Variants in USH2A observed in about 807,000 individuals in gnomAD.
USH2A encodes usherin.
Under a neutral mutation model 538.9 loss-of-function variants are expected in USH2A, and 443 were observed. That is an observed-to-expected ratio of 0.82 (90% CI 0.76 to 0.89). The LOEUF (loss-of-function observed/expected upper bound fraction) is 0.89. Among genes scored for constraint, USH2A ranks in the 40% least tolerant of loss-of-function variants. USH2A has a pLI of 0.00. For synonymous variants in USH2A, 2,413 were observed against 2,273.5 expected, an observed-to-expected ratio of 1.06 and a Z score of -1.75; for missense variants, 6,633 against 6,324.8, an observed-to-expected ratio of 1.05 and a Z score of -1.65.
intron 11 of USH2A, among the ~76,000 whole-genome samples, chr1:216,269,537 T>G (rs547579499): frequency 3.0e-4 from 45 of 152,218 alleles, no homozygotes; most frequent in Non-Finnish European, 4.9e-4. Flanking sequence ...ATAACCCCTA[T>G]GTTAAATTCA....
intron 66 of USH2A, 88 bp from the exon 67 acceptor site, chr1:215,647,818 G>T: frequency 6.7e-7 from 1 of 1,491,616 alleles, no homozygotes; most frequent in Non-Finnish European, 9.2e-7. Flanking sequence ...TTTGTGAGGA[G>T]ACATTTTGTT....
At chr1:216,301,743 G>T (rs1190006745) in intron 9 of USH2A, among the ~76,000 whole-genome samples, 1 of 152,170 alleles carries the variant, frequency 6.6e-6, no homozygotes. Flanking sequence ...TTACAGTACT[G>T]CTCACTGAAT....
chr1:216,041,767 A>C (rs2030286717), intron 32 of USH2A, among the ~76,000 whole-genome samples: 1 of 152,138 alleles, frequency 6.6e-6, no homozygotes, highest in Admixed American at 6.6e-5. Context: ...AATGAAAGGA[A>C]AATATAAAAG....
At chr1:216,021,364 A>G (rs1174401409) in intron 32 of USH2A, among the ~76,000 whole-genome samples, 2 of 152,098 alleles carry the variant, frequency 1.3e-5, no homozygotes, top group Non-Finnish European at 2.9e-5. Flanking sequence ...TGACCATTTT[A>G]TAAGAGGTTT....
intron 61 of USH2A, among the ~76,000 whole-genome samples, chr1:215,687,993 G>C (rs1273340280): frequency 6.6e-6 from 1 of 152,106 alleles, no homozygotes; most frequent in Non-Finnish European, 1.5e-5. Context: ...AAGACATAGA[G>C]AGAGAATTGG....
chr1:216,419,542 C>T (rs1204648154), intron 2 of USH2A, among the ~76,000 whole-genome samples: 1 of 152,084 alleles, frequency 6.6e-6, no homozygotes, highest in African/African-American at 2.4e-5. Flanking sequence ...CACCCTTCTT[C>T]CTGCTCAGGG....
chr1:216,387,706 C>T (rs540593437), intron 3 of USH2A, among the ~76,000 whole-genome samples: 116 of 152,256 alleles, frequency 7.6e-4, no homozygotes, highest in Non-Finnish European at 9.0e-4. Flanking sequence ...GATCCTCAAA[C>T]GTTAAAATCT....
intron 38 of USH2A, among the ~76,000 whole-genome samples, chr1:215,901,846 A>C (rs1665510029): frequency 6.6e-6 from 1 of 152,202 alleles, no homozygotes; most frequent in African/African-American, 2.4e-5. Flanking sequence ...AGCTATTCAG[A>C]AACTTGAAAG....
intron 41 of USH2A, among the ~76,000 whole-genome samples, chr1:215,882,759 A>G (rs1394746882): frequency 6.6e-6 from 1 of 152,176 alleles, no homozygotes; most frequent in African/African-American, 2.4e-5. Flanking sequence ...TTCAGACTTA[A>G]TTGATTATGG....
chr1:216,338,120 T>TA (rs1362152138), intron 4 of USH2A, among the ~76,000 whole-genome samples: 4 of 151,424 alleles, frequency 2.6e-5, no homozygotes, highest in South Asian at 2.1e-4. Flanking sequence ...TCAATTCCAA[T>TA]AAAAAATCTC....
At chr1:216,237,515 GAAAGA>G (rs2035851600) in intron 13 of USH2A, among the ~76,000 whole-genome samples, 1 of 130,408 alleles carries the variant, frequency 7.7e-6, no homozygotes, top group African/African-American at 2.9e-5. Flanking sequence ...AAAAAAAAAA[GAAAGA>G]AAAAGAAAAA....
chr1:215,647,619 A>AC lies in USH2A; in HGVS notation c.14693dup (p.Leu4899SerfsTer55). On this transcript the variant is annotated frameshift_variant, in exon 67 of 72. Transcript: ENST00000307340. LOFTEE classifies it high-confidence loss of function. ...GCTTGTATGTGGTGTAGGGCTGGAG[A>AC]CCCCCAAGGCTGGCTTTCTGCCCCA... The AC allele has an allele frequency of 6.2e-7, 1 of 1,613,258 alleles. No individual in the cohort carries two copies. The highest frequency in any genetic ancestry group is 8.5e-7 in the Non-Finnish European group (1 of 1,179,864).
rs755735339 is a variant in USH2A at position 216,321,947 on chromosome 1, C to T, written c.1580G>A (p.Cys527Tyr). ...RCQCHGHADN[C>Y]DTTSQPYRCL... ...TCTATATGGCTGGCTTGTTGTGTCG[C>T]AGTTATCGGCATGACCATGGCACTG... The change falls in exon 9 of 72, where the codon TGC (cysteine) becomes TAC (tyrosine). Residue 527 changes from cysteine (C) to tyrosine (Y), a missense_variant. Coordinates refer to ENST00000307340, the MANE Select transcript of USH2A (RefSeq NM_206933.4). 1 of 1,613,774 alleles carries T rather than the reference C, an allele frequency of 6.2e-7. No homozygotes were observed. Among genetic ancestry groups the T allele is most frequent in the South Asian group, 1.1e-5 (1 of 91,070 alleles).
intron 64 of USH2A, among the ~76,000 whole-genome samples, chr1:215,657,050 C>T (rs1240781905): frequency 6.6e-6 from 1 of 152,224 alleles, no homozygotes; most frequent in African/African-American, 2.4e-5. Flanking sequence ...CTTTCCAATA[C>T]CTGTATTGGC....
intron 70 of USH2A, among the ~76,000 whole-genome samples, chr1:215,631,247 T>G (rs112875116): frequency 4.0e-5 from 6 of 151,846 alleles, no homozygotes; most frequent in Non-Finnish European, 7.4e-5. Context: ...TGTGTGTGTG[T>G]GGGTGGGTGT....
intron 23 of USH2A, 75 bp from the exon 24 acceptor site, chr1:216,086,895 C>T (rs899532586): frequency 7.0e-6 from 8 of 1,147,290 alleles, no homozygotes; most frequent in Non-Finnish European, 1.0e-5. Context: ...TAATAAAATC[C>T]TTCACCAGCC....
At chr1:216,163,934 T>A (rs1490974750) in intron 21 of USH2A, among the ~76,000 whole-genome samples, 1 of 152,130 alleles carries the variant, frequency 6.6e-6, no homozygotes, top group Non-Finnish European at 1.5e-5. Flanking sequence ...TACTCACTTA[T>A]GTCTTTAACC....
At chr1:215,895,298 TAGAA>T (rs1398412691) in intron 40 of USH2A, among the ~76,000 whole-genome samples, 2 of 152,164 alleles carry the variant, frequency 1.3e-5, no homozygotes, top group African/African-American at 2.4e-5. Context: ...ACACTGGTGA[TAGAA>T]AGATAGTTGA....
Position 215,674,176 on chromosome 1 carries a change from T to C in USH2A, c.13735A>G (p.Ile4579Val), listed in dbSNP as rs1431717506. Residue 4579 changes from isoleucine (I) to valine (V), a missense_variant, in exon 63 of 72, where the codon ATC becomes GTC. By Grantham distance (29) the Ile-to-Val change is conservative. Transcript: ENST00000307340. ...IRELFERETK[I>V]IHINTTHNSF... ...TTATGAGTTGTGTTTATGTGTATGA[T>C]TTTAGTTTCTCTTTCAAATAGTTCA... 1 of 1,614,088 alleles carries C rather than the reference T, an allele frequency of 6.2e-7. No homozygotes were observed.
Sources: gnomAD v4.1 joint callset for allele counts (sites outside exome capture counted in the v4.1 genomes callset) on GRCh38, gnomAD v4.1.1 for gene constraint, MANE v1.5 for transcripts, NCBI Gene and HGNC (gene_info 2026-07-23, HGNC 2026-07-21) for gene names.